The following RIPOR2 variants were observed in gnomAD, a reference collection of about 807,000 sequenced individuals.
The protein encoded by RIPOR2 is rho family-interacting cell polarization regulator 2.
Under a neutral mutation model 114.5 loss-of-function variants are expected in RIPOR2, and 39 were observed. The ratio of observed to expected loss-of-function variants is 0.34; its 90% confidence interval spans 0.26 to 0.44. The LOEUF (loss-of-function observed/expected upper bound fraction) is 0.44, where lower values mean the gene tolerates loss of function less well. Ranked by LOEUF, RIPOR2 falls within the 20% of genes least tolerant of loss-of-function variation. RIPOR2 has a pLI of 1.00. For missense variants in RIPOR2, 1,007 were observed against 1,255.1 expected, an observed-to-expected ratio of 0.80 and a Z score of 2.99; for synonymous variants, 445 against 484.4, an observed-to-expected ratio of 0.92 and a Z score of 1.07.
chr6:25,025,838 T>C (rs2113733376), intron 1 of RIPOR2, among the ~76,000 whole-genome samples: 1 of 152,326 alleles, frequency 6.6e-6, no homozygotes. Context: ...GAGGGTGGGT[T>C]TTCTTAGAGG....
chr6:25,028,854 G>A (rs1390891290), intron 1 of RIPOR2, among the ~76,000 whole-genome samples: 1 of 152,236 alleles, frequency 6.6e-6, no homozygotes, highest in Non-Finnish European at 1.5e-5. Flanking sequence ...GGGTGGGAAA[G>A]TATGGGGAAT....
chr6:24,989,600 C>G (rs1324981460), intron 1 of RIPOR2, among the ~76,000 whole-genome samples: 4 of 151,918 alleles, frequency 2.6e-5, no homozygotes, highest in Non-Finnish European at 5.9e-5. Flanking sequence ...CAGCCTTGTA[C>G]TTTTCTTAAA....
intron 10 of RIPOR2, 111 bp from the exon 11 acceptor site, chr6:24,850,061 A>G: frequency 1.2e-6 from 1 of 804,438 alleles, no homozygotes; most frequent in South Asian, 2.0e-5. Flanking sequence ...TCAGAATCAT[A>G]TCTGAAATCA....
intron 8 of RIPOR2, among the ~76,000 whole-genome samples, chr6:24,859,541 A>G (rs1763845768): frequency 6.6e-6 from 1 of 151,972 alleles, no homozygotes; most frequent in Non-Finnish European, 1.5e-5. Context: ...GAATGGACCT[A>G]AAAAATGGAA....
intron 1 of RIPOR2, among the ~76,000 whole-genome samples, chr6:25,024,760 G>C (rs1425165875): frequency 6.6e-6 from 1 of 152,176 alleles, no homozygotes; most frequent in East Asian, 1.9e-4. Context: ...TCCCTACTCT[G>C]TCCTTGGAGC....
At chr6:24,959,024 C>A (rs1215915255) in intron 1 of RIPOR2, among the ~76,000 whole-genome samples, 1 of 145,650 alleles carries the variant, frequency 6.9e-6, no homozygotes, top group African/African-American at 2.6e-5. Flanking sequence ...AATCATAGCT[C>A]ACTGCAGCCT....
At chr6:25,005,948 A>G (rs1775546618) in intron 1 of RIPOR2, among the ~76,000 whole-genome samples, 1 of 151,812 alleles carries the variant, frequency 6.6e-6, no homozygotes, top group African/African-American at 2.4e-5. Context: ...ATAAAACTCT[A>G]CAATTCTATG....
chr6:24,999,868 T>C (rs1180316426), intron 1 of RIPOR2, among the ~76,000 whole-genome samples: 1 of 152,156 alleles, frequency 6.6e-6, no homozygotes, highest in Non-Finnish European at 1.5e-5. Flanking sequence ...GACTCATCCT[T>C]GAATTCCTTC....
At chr6:25,007,675 C>T (rs1021964317) in intron 1 of RIPOR2, among the ~76,000 whole-genome samples, 1 of 151,796 alleles carries the variant, frequency 6.6e-6, no homozygotes, top group Non-Finnish European at 1.5e-5. Context: ...CCCTTCCTTC[C>T]TGCCCTCCCC....
At chr6:24,926,848 A>G (rs529875150) in intron 1 of RIPOR2, among the ~76,000 whole-genome samples, 3 of 151,972 alleles carry the variant, frequency 2.0e-5, no homozygotes, top group South Asian at 4.2e-4. Flanking sequence ...CATCATCATC[A>G]CCACCAACAT....
chr6:24,837,419 C>CTTAT (rs531502917), intron 14 of RIPOR2, among the ~76,000 whole-genome samples: 3 of 151,974 alleles, frequency 2.0e-5, no homozygotes, highest in African/African-American at 7.3e-5. Flanking sequence ...CACTCCCGGC[C>CTTAT]TTATTTATTT....
intron 1 of RIPOR2, among the ~76,000 whole-genome samples, chr6:24,946,742 T>C (rs604926): frequency 0.051 from 7,720 of 152,222 alleles, 333 homozygotes; most frequent in African/African-American, 0.11. Flanking sequence ...GGAGGTAGGC[T>C]TCGCAGTGCC....
chr6:24,944,606 A>G (rs1772316320), intron 1 of RIPOR2, among the ~76,000 whole-genome samples: 1 of 152,214 alleles, frequency 6.6e-6, no homozygotes, highest in South Asian at 2.1e-4. Flanking sequence ...GGAAAAATAA[A>G]CAATCAATAG....
chr6:24,821,112 A>G (rs1759658065), intron 19 of RIPOR2, among the ~76,000 whole-genome samples: 1 of 150,706 alleles, frequency 6.6e-6, no homozygotes, highest in African/African-American at 2.4e-5. Flanking sequence ...ACCTCAGATG[A>G]TCTGCCCTCC....
chr6:24,898,959 T>G (rs1206323613), intron 1 of RIPOR2, among the ~76,000 whole-genome samples: 2 of 151,780 alleles, frequency 1.3e-5, no homozygotes, highest in Non-Finnish European at 2.9e-5. Context: ...AGTTTTTTTT[T>G]TTTTTTTTTT....
chr6:24,841,669 G>A (rs1761734222), intron 13 of RIPOR2, among the ~76,000 whole-genome samples: 2 of 149,478 alleles, frequency 1.3e-5, no homozygotes, highest in African/African-American at 4.9e-5. Context: ...CCAGGCTGGA[G>A]TGCAGTGACG....
chr6:24,921,572 A>G (rs1420279336), intron 1 of RIPOR2, among the ~76,000 whole-genome samples: 1 of 151,910 alleles, frequency 6.6e-6, no homozygotes, highest in Non-Finnish European at 1.5e-5. Context: ...ACCTCTGGGC[A>G]TTTGTCAGTA....
upstream of RIPOR2, among the ~76,000 whole-genome samples, chr6:24,939,565 T>C (rs781272642): frequency 1.3e-5 from 2 of 152,342 alleles, no homozygotes; most frequent in Non-Finnish European, 1.5e-5. Flanking sequence ...ATAGTACTTA[T>C]GCTAAATTAG....
intron 14 of RIPOR2, among the ~76,000 whole-genome samples, chr6:24,838,276 G>A: frequency 6.6e-6 from 1 of 152,106 alleles, no homozygotes; most frequent in Non-Finnish European, 1.5e-5. Context: ...TTGGATGCGT[G>A]CCTTGATGAA....
Sources: gnomAD v4.1 joint callset for allele counts (sites outside exome capture counted in the v4.1 genomes callset) on GRCh38, gnomAD v4.1.1 for gene constraint, MANE v1.5 for transcripts, NCBI Gene and HGNC (gene_info 2026-07-23, HGNC 2026-07-21) for gene names.